Variants in NUMA1 observed in about 807,000 individuals in gnomAD.
NUMA1 encodes nuclear mitotic apparatus protein 1, also known as SP-H antigen.
NUMA1 carries 62 observed loss-of-function variants against 237.1 expected under a neutral mutation model. That is an observed-to-expected ratio of 0.26 (90% CI 0.21 to 0.32). NUMA1 has a LOEUF of 0.32. Ranked by LOEUF, NUMA1 falls within the 10% of genes least tolerant of loss-of-function variation. NUMA1 has a pLI of 1.00. For synonymous variants in NUMA1, 1,028 were observed against 1,066.1 expected (o/e 0.96, Z 0.70); for missense variants, 2,533 against 2,666.5 (o/e 0.95, Z 1.10).
chr11:72,051,738 G>A (rs1942374269), intron 2 of NUMA1, among the ~76,000 whole-genome samples: 1 of 152,154 alleles, frequency 6.6e-6, no homozygotes, highest in Admixed American at 6.5e-5. Context: ...CCAAAGTGCT[G>A]GGATTACAAG....
chr11:72,018,782 G>A, intron 10 of NUMA1, 41 bp downstream of exon 10: 3 of 1,590,720 alleles, frequency 1.9e-6, no homozygotes, highest in Non-Finnish European at 2.6e-6. Context: ...CATCCTTCCG[G>A]CAAGTCTATT....
intron 2 of NUMA1, among the ~76,000 whole-genome samples, chr11:72,051,116 T>C (rs1484840222): frequency 6.6e-6 from 1 of 152,118 alleles, no homozygotes; most frequent in Non-Finnish European, 1.5e-5. Context: ...CTCAAACACC[T>C]GGGCTCAAGC....
At chr11:72,077,658 C>T (rs1943772995) in intron 1 of NUMA1, among the ~76,000 whole-genome samples, 1 of 151,646 alleles carries the variant, frequency 6.6e-6, no homozygotes, top group Non-Finnish European at 1.5e-5. Context: ...ACTAAAAATA[C>T]AAAAAATTAG....
At position 72,022,454 on chromosome 11, in the gene NUMA1, G is replaced by T. The variant is rs369140709; in HGVS notation, c.292-35C>A. On this transcript the variant is annotated intron_variant, in intron 6 of 26. Transcript: ENST00000393695. ...AAACAGGAGGCAGTCACTGAGTGGG[G>T]CTGTCTCTCTTCTCAGTGCCCCCAT... is the stretch of plus-strand genomic sequence containing the variant. 21 of 1,433,354 alleles carry T rather than the reference G, an allele frequency of 1.5e-5. No homozygotes were observed. In the South Asian group the frequency reaches 2.0e-4, roughly 13 times the overall value. 88.8% of individuals were successfully genotyped at this position (1,433,354 alleles called of 1,614,324 possible).
At chr11:72,057,698 T>C (rs1451861060) in intron 2 of NUMA1, among the ~76,000 whole-genome samples, 1 of 147,942 alleles carries the variant, frequency 6.8e-6, no homozygotes, top group African/African-American at 2.5e-5. Flanking sequence ...GAGCCAAGAT[T>C]GCACCACTGT....
At chr11:72,072,782 C>T (rs1437098121) in intron 1 of NUMA1, among the ~76,000 whole-genome samples, 1 of 152,108 alleles carries the variant, frequency 6.6e-6, no homozygotes, top group Non-Finnish European at 1.5e-5. Flanking sequence ...TGGCCAGGCA[C>T]GGTGGCTCAC....
chr11:72,063,608 C>CGA (rs1943059930), intron 2 of NUMA1, among the ~76,000 whole-genome samples: 1 of 61,110 alleles, frequency 1.6e-5, no homozygotes, highest in African/African-American at 5.6e-5. Context: ...TACCAAAACT[C>CGA]AAAAAAAAAA....
At position 72,003,354 on chromosome 11, in the gene NUMA1, G is replaced by T; in HGVS notation, c.*173C>A. 1 of 667,826 alleles carries T rather than the reference G, an allele frequency of 1.5e-6. No individual in the cohort carries two copies. Among genetic ancestry groups the T allele is most frequent in the African/African-American group, 1.8e-5 (1 of 56,200 alleles). The allele number at this position is 667,826 out of a possible 1,614,324, so 41.4% of individuals were successfully genotyped here. ...CCCCCTGGGCCAGCTCCGAGAAGGC[G>T]CCAGTGAAGGACCAGGGACCAGGCC... On this transcript the variant is annotated 3_prime_UTR_variant, in exon 27 of 27. Transcript: ENST00000393695.
intron 1 of NUMA1, among the ~76,000 whole-genome samples, chr11:72,070,549 G>A (rs1253317833): frequency 3.3e-5 from 5 of 152,138 alleles, no homozygotes; most frequent in South Asian, 2.1e-4. Context: ...GGCTCACAGC[G>A]GTAATCCCAG....
Position 72,014,844 on chromosome 11 carries a change from G to C in NUMA1, c.2659C>G (p.Gln887Glu), listed in dbSNP as rs187108019. ...GCCCTGACTTCCTTCTCTTGGACCTGCTGGAGTGCTCTGGCCAGGTTGGCA... is the reference window on the plus strand; with the variant it reads ...GCCCTGACTTCCTTCTCTTGGACCTCCTGGAGTGCTCTGGCCAGGTTGGCA... ...LHANLARALQQVQEKEVRAQK... is the reference protein window; with the variant it reads ...LHANLARALQEVQEKEVRAQK... Residue 887 changes from glutamine (Q) to glutamate (E), a missense_variant, in exon 15 of 27, where the codon CAG (glutamine) becomes GAG (glutamate). By Grantham distance (29) the Gln-to-Glu change is conservative. Coordinates refer to ENST00000393695, the MANE Select transcript of NUMA1 (RefSeq NM_006185.4). The surrounding 1 kb of genome is among the most constrained non-coding windows in gnomAD (Gnocchi z 4.6). 6.2e-7 allele frequency: 1 copy of C among 1,614,228 alleles called. No homozygotes were observed.
At chr11:72,017,916 G>A in intron 12 of NUMA1, 89 bp from the exon 13 acceptor site, 6 of 1,439,066 alleles carry the variant, frequency 4.2e-6, no homozygotes, top group Non-Finnish European at 5.7e-6. Context: ...GGGGCTGGAT[G>A]CCTCCAATTA....
Position 72,022,091 on chromosome 11 carries a change from T to C in NUMA1, c.372+248A>G, listed in dbSNP as rs116510363. 2.0e-3 allele frequency: 748 copies of C among 373,368 alleles called. 2 individuals carry two copies. Among genetic ancestry groups the C allele is most frequent in the African/African-American group, 0.015 (691 of 47,258 alleles). 23.1% of individuals were successfully genotyped at this position (373,368 alleles called of 1,614,324 possible). A position where few individuals can be genotyped will look rare whatever the true frequency, so the allele number is the denominator to read the frequency against. ...CTAAAACACATTACAGTTAAACATA[T>C]GCACATAAAAAAGGACTTGAAAGTA... On this transcript the variant is annotated intron_variant, in intron 7 of 26. Transcript: ENST00000393695.
intron 7 of NUMA1, 91 bp from the exon 8 acceptor site, chr11:72,021,382 C>T: frequency 7.8e-6 from 9 of 1,147,102 alleles, no homozygotes; most frequent in Non-Finnish European, 1.2e-5. Flanking sequence ...TGCCAGTCCC[C>T]GGCTCCCTCA....
At chr11:72,064,275 T>C (rs944736679) in intron 2 of NUMA1, among the ~76,000 whole-genome samples, 1 of 151,940 alleles carries the variant, frequency 6.6e-6, no homozygotes, top group Non-Finnish European at 1.5e-5. Context: ...CTGGGCAACA[T>C]AGTAGACTCC....
At chr11:72,077,196 T>A (rs1032453883) in intron 1 of NUMA1, among the ~76,000 whole-genome samples, 11 of 151,908 alleles carry the variant, frequency 7.2e-5, no homozygotes, top group African/African-American at 2.7e-4. Flanking sequence ...CTGAGAGAGG[T>A]AAAGAGGTAA....
In NUMA1 at chr11:72,013,655, G is replaced by C. The variant is rs1315714108; in HGVS notation, c.3848C>G (p.Ala1283Gly). 13 of 1,609,446 alleles carry C rather than the reference G, an allele frequency of 8.1e-6. No individual in the cohort carries two copies. Among genetic ancestry groups the C allele is most frequent in the African/African-American group, 1.3e-5 (1 of 74,898 alleles). Residue 1283 changes from alanine (A) to glycine (G), a missense_variant, in exon 15 of 27, where the codon GCT (alanine) becomes GGT (glycine). Ala to Gly is a moderately conservative substitution (Grantham distance 60). Around this residue, in one of 3 missense-constraint regions of NUMA1, gnomAD observed 324 missense variants for 407.6 expected, o/e 0.79. Transcript: ENST00000393695. This position sits in a 1 kb window ranked among gnomAD's most constrained non-coding sequence, Gnocchi z 6.8. The part of the protein sequence containing the change: ...QAETASNSAR[A>G]AERSSALREE... ...CCGCAGAGCAGAGCTGCGTTCTGCA[G>C]CTCTGGCACTGTTGCTGGCTGTCTC... is the stretch of plus-strand genomic sequence containing the variant.
chr11:72,034,447 AC>A (rs1474481504), intron 3 of NUMA1, among the ~76,000 whole-genome samples: 1 of 151,840 alleles, frequency 6.6e-6, no homozygotes, highest in Non-Finnish European at 1.5e-5. Flanking sequence ...GGTGGCTCAC[AC>A]CTGTAATCCC....
intron 1 of NUMA1, among the ~76,000 whole-genome samples, chr11:72,077,851 A>C (rs1203500508): frequency 6.6e-6 from 1 of 151,890 alleles, no homozygotes; most frequent in African/African-American, 2.4e-5. Flanking sequence ...AAGTGAAATA[A>C]AGATTTTTTA....
rs918087256 is a variant in NUMA1, at chr11:72,069,916, G to C, written c.-102-5C>G. The C allele has an allele frequency of 6.6e-6, 1 of 152,170 alleles. No individual in the cohort carries two copies. Among genetic ancestry groups the C allele is most frequent in the African/African-American group, 2.4e-5 (1 of 41,394 alleles). The allele number at this position is 152,170 out of a possible 1,614,324, so 9.4% of individuals were successfully genotyped here. On this transcript the variant is annotated splice_region_variant and splice_polypyrimidine_tract_variant and intron_variant, in intron 1 of 26. Coordinates refer to ENST00000393695, the MANE Select transcript of NUMA1 (RefSeq NM_006185.4). ...TGGCTTAGAATTAGTTTCCACCTAG[G>C]GAAGGGGCAAAGGGACAGGAATGAT... is the stretch of plus-strand genomic sequence containing the variant.
Sources: allele counts gnomAD v4.1 joint callset (sites outside exome capture counted in the v4.1 genomes callset), GRCh38; gene constraint gnomAD v4.1.1; regional missense constraint gnomAD v4.1.1; non-coding constraint Gnocchi (gnomAD v3.1); transcripts MANE v1.5; gene names NCBI Gene and HGNC (gene_info 2026-07-23, HGNC 2026-07-21).